Variants in ROBO2 observed in about 807,000 individuals in gnomAD.
ROBO2 encodes the protein roundabout guidance receptor 2, also known as roundabout homolog 2.
A neutral mutation model predicts 160.8 loss-of-function variants in ROBO2; 53 were observed. The ratio of observed to expected loss-of-function variants is 0.33; its 90% CI spans 0.26 to 0.41. The LOEUF is 0.41. ROBO2 is among the 10% of genes least tolerant of loss of function. ROBO2 has a pLI of 1.00. For missense variants in ROBO2, 1,577 were observed against 1,722.4 expected, an observed-to-expected ratio of 0.92 and a Z score of 1.49; for synonymous variants, 664 against 611.7, an observed-to-expected ratio of 1.09 and a Z score of -1.26.
At chr3:76,883,749 T>C (rs1488117426) in intron 2 of ROBO2, among the ~76,000 whole-genome samples, 1 of 152,226 alleles carries the variant, frequency 6.6e-6, no homozygotes, top group African/African-American at 2.4e-5. Flanking sequence ...AATGCAATGG[T>C]TTCCTAAAAC....
intron 2 of ROBO2, among the ~76,000 whole-genome samples, chr3:77,273,123 T>C (rs533723883): frequency 6.6e-6 from 1 of 152,210 alleles, no homozygotes; most frequent in South Asian, 2.1e-4. Context: ...TTTTCCCCCG[T>C]CTAGTAGCCC....
intron 2 of ROBO2, among the ~76,000 whole-genome samples, chr3:75,983,440 T>C: frequency 6.6e-6 from 1 of 151,426 alleles, no homozygotes; most frequent in East Asian, 1.9e-4. Context: ...GTTTTAAAGT[T>C]ATGATAAACT....
chr3:77,618,264 A>G (rs1322594000), intron 22 of ROBO2: 1 of 162,850 alleles, frequency 6.1e-6, no homozygotes, highest in East Asian at 1.7e-4. Context: ...TTAGTTATTA[A>G]AAGACTCTCT....
chr3:76,134,270 T>A (rs1383070236), intron 2 of ROBO2, among the ~76,000 whole-genome samples: 5 of 150,894 alleles, frequency 3.3e-5, no homozygotes, highest in African/African-American at 1.2e-4. Context: ...TGAAGATACT[T>A]TTTTTTTCTC....
chr3:76,327,360 C>A (rs191732968), intron 2 of ROBO2, among the ~76,000 whole-genome samples: 1 of 151,902 alleles, frequency 6.6e-6, no homozygotes, highest in Non-Finnish European at 1.5e-5. Context: ...TTATGAATTT[C>A]CTTTCAATTT....
intron 2 of ROBO2, among the ~76,000 whole-genome samples, chr3:76,621,923 T>C (rs1334711196): frequency 6.6e-6 from 1 of 152,122 alleles, no homozygotes; most frequent in African/African-American, 2.4e-5. Flanking sequence ...AGTGACACCA[T>C]TGTAAGCCGT....
chr3:77,534,708 A>C (rs1467127241), intron 6 of ROBO2, among the ~76,000 whole-genome samples: 1 of 152,218 alleles, frequency 6.6e-6, no homozygotes, highest in South Asian at 2.1e-4. Flanking sequence ...TTTCAAATAT[A>C]TCTGAATGCC....
At chr3:76,388,672 C>A (rs549444029) in intron 2 of ROBO2, among the ~76,000 whole-genome samples, 1 of 152,094 alleles carries the variant, frequency 6.6e-6, no homozygotes, top group Non-Finnish European at 1.5e-5. Context: ...ATGTGCCTTA[C>A]ATTTTGTCTT....
At chr3:76,207,814 A>T (rs1460679659) in intron 2 of ROBO2, among the ~76,000 whole-genome samples, 1 of 152,228 alleles carries the variant, frequency 6.6e-6, no homozygotes, top group Non-Finnish European at 1.5e-5. Flanking sequence ...TGATGCTGAA[A>T]TCAGATTTTG....
intron 2 of ROBO2, among the ~76,000 whole-genome samples, chr3:76,725,389 C>T (rs2093534847): frequency 6.6e-6 from 1 of 152,146 alleles, no homozygotes; most frequent in Non-Finnish European, 1.5e-5. Flanking sequence ...GGCTCTGTGG[C>T]AAACTGACCT....
intron 2 of ROBO2, among the ~76,000 whole-genome samples, chr3:76,064,636 G>A (rs1178061463): frequency 1.3e-5 from 2 of 152,012 alleles, no homozygotes; most frequent in East Asian, 3.9e-4. Context: ...AGCAAATATA[G>A]GTACATCTGA....
intron 2 of ROBO2, among the ~76,000 whole-genome samples, chr3:76,095,297 T>C (rs1259554399): frequency 2.0e-5 from 3 of 152,010 alleles, no homozygotes; most frequent in Admixed American, 1.3e-4. Context: ...ATTGTGAATT[T>C]AAAAGGCCCA....
intron 2 of ROBO2, among the ~76,000 whole-genome samples, chr3:76,273,478 G>T (rs560187845): frequency 1.7e-4 from 26 of 152,128 alleles, no homozygotes; most frequent in African/African-American, 6.3e-4. Flanking sequence ...AAAGAAAAGA[G>T]GTTTAATTGA....
chr3:75,958,312 A>C lies in ROBO2; in HGVS notation c.109+20710A>C, dbSNP rs1182661119. 2.6e-5 allele frequency among the ~76,000 whole-genome samples: 4 copies of C among 151,788 alleles called. No homozygotes were observed. The East Asian group carries it at 7.8e-4, about 29-fold the overall frequency. On this transcript the variant is annotated intron_variant, in intron 2 of 26. Transcript: ENST00000487694. ...TCCTTTAGTTTTTCATTTATTTCAC[A>C]AACATTCATTGACACTTACGTGGCA...
intron 2 of ROBO2, among the ~76,000 whole-genome samples, chr3:76,355,540 C>A (rs1475759652): frequency 6.6e-6 from 1 of 151,768 alleles, no homozygotes; most frequent in Non-Finnish European, 1.5e-5. Context: ...TTAACTGTTA[C>A]ATTCTGCAAA....
intron 2 of ROBO2, among the ~76,000 whole-genome samples, chr3:77,352,720 T>C (rs2068528162): frequency 1.3e-5 from 2 of 152,164 alleles, no homozygotes; most frequent in Non-Finnish European, 2.9e-5. Context: ...TGTTCAACCT[T>C]AGCAACATCA....
At chr3:76,397,983 C>A (rs1287638114) in intron 2 of ROBO2, among the ~76,000 whole-genome samples, 6 of 151,986 alleles carry the variant, frequency 3.9e-5, no homozygotes, top group Non-Finnish European at 5.9e-5. Context: ...GGGTATATAC[C>A]CAAAGGATTA....
At chr3:76,719,607 G>A (rs762480418) in intron 2 of ROBO2, among the ~76,000 whole-genome samples, 1 of 152,188 alleles carries the variant, frequency 6.6e-6, no homozygotes, top group African/African-American at 2.4e-5. Context: ...AATAAGGCCG[G>A]GTGTGGTGGC....
intron 2 of ROBO2, among the ~76,000 whole-genome samples, chr3:76,834,098 C>CTTTCTTTCT (rs2067407196): frequency 8.2e-6 from 1 of 121,812 alleles, no homozygotes; most frequent in African/African-American, 3.1e-5. Flanking sequence ...TTCTTTCTTT[C>CTTTCTTTCT]TTTCTTTCTT....
Sources: gnomAD v4.1 joint callset for allele counts (sites outside exome capture counted in the v4.1 genomes callset) on GRCh38, gnomAD v4.1.1 for gene constraint, MANE v1.5 for transcripts, NCBI Gene and HGNC (gene_info 2026-07-23, HGNC 2026-07-21) for gene names.